COMMD10: variants seen among roughly 807,000 people sequenced by gnomAD.
COMMD10 encodes COMM domain-containing protein 10.
A neutral mutation model predicts 28.9 loss-of-function variants in COMMD10; 33 were observed. The observed-to-expected ratio is 1.14, with a 90% CI of 0.87 to 1.53. The LOEUF (loss-of-function observed/expected upper bound fraction) is 1.53. Among genes scored for constraint, COMMD10 ranks in the 40% most tolerant of loss-of-function variants. The probability of loss-of-function intolerance (pLI) is 0.00; values close to 1 mark genes in which losing one functional copy is unlikely to be tolerated. For synonymous variants in COMMD10, 110 were observed against 81.7 expected (o/e 1.35, Z -1.87); for missense variants, 310 against 233.4 (o/e 1.33, Z -2.14).
chr5:116,113,378 A>ATTTTTTTT (rs1751123808), intron 4 of COMMD10, among the ~76,000 whole-genome samples: 22 of 134,036 alleles, frequency 1.6e-4, no homozygotes, highest in African/African-American at 3.3e-4. Context: ...GAGTTTTTCA[A>ATTTTTTTT]TCTATTATTT....
intron 5 of COMMD10, among the ~76,000 whole-genome samples, chr5:116,184,310 T>C (rs543712178): frequency 2.7e-4 from 14 of 51,190 alleles, no homozygotes; most frequent in African/African-American, 8.5e-4. Context: ...ACTATATATC[T>C]GACCTTTTTT....
chr5:116,207,837 T>C (rs943149257), intron 5 of COMMD10, among the ~76,000 whole-genome samples: 2 of 152,162 alleles, frequency 1.3e-5, no homozygotes, highest in African/African-American at 2.4e-5. Flanking sequence ...GTATTTTCTC[T>C]GTATCACACT....
chr5:116,126,663 A>G (rs1470856518), intron 4 of COMMD10, among the ~76,000 whole-genome samples: 2 of 152,038 alleles, frequency 1.3e-5, no homozygotes, highest in South Asian at 2.1e-4. Context: ...TGACAAAAAC[A>G]AGAAATGGGG....
At chr5:116,222,732 C>A (rs1749294876) in intron 5 of COMMD10, among the ~76,000 whole-genome samples, 2 of 152,094 alleles carry the variant, frequency 1.3e-5, no homozygotes, top group Admixed American at 1.3e-4. Context: ...TGCTCTGTTG[C>A]CCAGGCTGGA....
intron 4 of COMMD10, among the ~76,000 whole-genome samples, chr5:116,120,756 T>G (rs922262232): frequency 6.6e-6 from 1 of 151,980 alleles, no homozygotes; most frequent in African/African-American, 2.4e-5. Context: ...GTACTTTTTT[T>G]TTTTTTATTA....
chr5:116,229,588 G>A (rs147238490), intron 5 of COMMD10, among the ~76,000 whole-genome samples: 69 of 152,048 alleles, frequency 4.5e-4, no homozygotes, highest in Non-Finnish European at 9.7e-4. Flanking sequence ...GGACTCAAAA[G>A]GAGAAGACAG....
intron 5 of COMMD10, among the ~76,000 whole-genome samples, chr5:116,288,528 T>G (rs1751280933): frequency 6.6e-6 from 1 of 151,838 alleles, no homozygotes; most frequent in Admixed American, 6.6e-5. Context: ...TCAGATAAGC[T>G]CTCTTATTTT....
At chr5:116,277,945 A>G (rs1277863822) in intron 5 of COMMD10, among the ~76,000 whole-genome samples, 1 of 151,860 alleles carries the variant, frequency 6.6e-6, no homozygotes, top group Non-Finnish European at 1.5e-5. Context: ...CAGTCATTTT[A>G]TAAAGAAAAG....
intron 5 of COMMD10, among the ~76,000 whole-genome samples, chr5:116,250,642 T>C (rs1561392209): frequency 6.6e-6 from 1 of 151,514 alleles, no homozygotes; most frequent in African/African-American, 2.4e-5. Context: ...TTTCAAGAAA[T>C]TACTAGGAGA....
chr5:116,198,033 T>G (rs1748574743), intron 5 of COMMD10, among the ~76,000 whole-genome samples: 1 of 152,172 alleles, frequency 6.6e-6, no homozygotes, highest in Admixed American at 6.5e-5. Context: ...TCTTGATTAT[T>G]TTGATAATTT....
chr5:116,266,796 G>A lies in COMMD10; in HGVS notation c.511-24721G>A, dbSNP rs924240240. On this transcript the variant is annotated intron_variant, in intron 5 of 6. Transcript: ENST00000274458. ...GGGATGCAAGGCTGGTTCAACATAC[G>A]CAAATCAATGAATGTAATCCATCAT... is the stretch of plus-strand genomic sequence containing the variant. Among the ~76,000 whole-genome samples, 39 of 151,668 alleles carry A rather than the reference G, an allele frequency of 2.6e-4. 1 individual carries two copies. Among genetic ancestry groups the A allele is most frequent in the African/African-American group, 9.2e-4 (38 of 41,192 alleles).
At chr5:116,169,438 G>A (rs185367164) in intron 5 of COMMD10, among the ~76,000 whole-genome samples, 16 of 150,048 alleles carry the variant, frequency 1.1e-4, no homozygotes, top group African/African-American at 2.2e-4. Flanking sequence ...AGTTTCCTTC[G>A]GAAACTATTC....
chr5:116,140,417 C>T (rs538579526), intron 5 of COMMD10, among the ~76,000 whole-genome samples: 1 of 151,828 alleles, frequency 6.6e-6, no homozygotes, highest in South Asian at 2.1e-4. Context: ...ATCTCTTTAA[C>T]ATACTGGATT....
In COMMD10 at chr5:116,092,608, C is replaced by G. The variant is rs558248470; in HGVS notation, c.307C>G (p.Gln103Glu). ...QQQLENIHLR[Q>E]DKAEAFVNTW... ...GCAATTAGAGAACATTCATCTTAGA[C>G]AAGACAAAGCTGAAGCATTTGTCAA... Residue 103 changes from glutamine (Q) to glutamate (E), a missense_variant, in exon 4 of 7, where the codon CAA becomes GAA. Gln to Glu is a conservative substitution (Grantham distance 29). Transcript: ENST00000274458. 22 of 1,612,002 alleles carry G rather than the reference C, an allele frequency of 1.4e-5. No individual in the cohort carries two copies. The East Asian group carries it at 2.5e-4, about 18-fold the overall frequency.
At chr5:116,267,346 C>T (rs550461620) in intron 5 of COMMD10, among the ~76,000 whole-genome samples, 58 of 152,010 alleles carry the variant, frequency 3.8e-4, no homozygotes, top group Admixed American at 1.1e-3. Context: ...CTCCCATTCA[C>T]AATGGCTTCA....
chr5:116,268,108 TTAAAC>T (rs1750645491), intron 5 of COMMD10, among the ~76,000 whole-genome samples: 2 of 151,956 alleles, frequency 1.3e-5, no homozygotes, highest in African/African-American at 2.4e-5. Context: ...TGGGATCTAA[TTAAAC>T]TAAAGAGCTT....
rs533467681 is a variant in COMMD10, at chr5:116,185,290, T to C, written c.510+51112T>C. On this transcript the variant is annotated intron_variant, in intron 5 of 6. Transcript: ENST00000274458. ...TGTGCTCTGAGTCCTAGGTGTCTTC[T>C]AGATATAAATATGTGGGAAGGACAA... is the stretch of plus-strand genomic sequence containing the variant. Among the ~76,000 whole-genome samples the C allele has an allele frequency of 2.0e-5, 3 of 152,264 alleles. No individual in the cohort carries two copies. The South Asian group carries it at 6.2e-4, about 32-fold the overall frequency.
intron 5 of COMMD10, among the ~76,000 whole-genome samples, chr5:116,205,149 A>G (rs1164450042): frequency 6.6e-6 from 1 of 152,202 alleles, no homozygotes; most frequent in Non-Finnish European, 1.5e-5. Context: ...TAAAGCAATA[A>G]TAAATATAAA....
intron 5 of COMMD10, among the ~76,000 whole-genome samples, chr5:116,212,523 T>TGTGTGTGTG (rs1580552963): frequency 1.3e-4 from 9 of 71,622 alleles, no homozygotes; most frequent in Admixed American, 3.7e-4. Context: ...TGTGTGTGTG[T>TGTGTGTGTG]AGAATGTGAG....
Sources: gnomAD v4.1 joint callset for allele counts (sites outside exome capture counted in the v4.1 genomes callset) on GRCh38, gnomAD v4.1.1 for gene constraint, MANE v1.5 for transcripts, NCBI Gene and HGNC (gene_info 2026-07-23, HGNC 2026-07-21) for gene names.